The following TSPAN11 variants were observed in gnomAD, a reference collection of about 807,000 sequenced individuals.
The protein encoded by TSPAN11 is tetraspanin 11.
In TSPAN11, 29 loss-of-function variants were observed where a neutral mutation model predicts 32.9. The ratio of observed to expected loss-of-function variants is 0.88; its 90% CI spans 0.66 to 1.20. The LOEUF (loss-of-function observed/expected upper bound fraction) is 1.20. Among genes scored for constraint, TSPAN11 ranks in the 50% most tolerant of loss-of-function variants. TSPAN11 has a pLI of 0.00. For synonymous variants in TSPAN11, 140 were observed against 141.3 expected (o/e 0.99, Z 0.07); for missense variants, 283 against 329.1 (o/e 0.86, Z 1.08).
At chr12:30,966,886 AACAGCACACCTGG>A (rs1938745452) in intron 3 of TSPAN11, among the ~76,000 whole-genome samples, 1 of 152,222 alleles carries the variant, frequency 6.6e-6, no homozygotes, top group Non-Finnish European at 1.5e-5. Flanking sequence ...GTAAGGAAAG[AACAGCACACCTGG>A]GTCAGAGTAT....
chr12:30,945,464 A>G (rs1380900212), intron 1 of TSPAN11, among the ~76,000 whole-genome samples: 1 of 152,028 alleles, frequency 6.6e-6, no homozygotes, highest in African/African-American at 2.4e-5. Flanking sequence ...ATTTATAAAA[A>G]TCAGCTCCCA....
chr12:30,938,485 T>G (rs1035843768), intron 1 of TSPAN11, among the ~76,000 whole-genome samples: 1 of 152,110 alleles, frequency 6.6e-6, no homozygotes, highest in Non-Finnish European at 1.5e-5. Context: ...GGGTGCTGGT[T>G]TACTAGAAAT....
At chr12:30,974,765 G>A (rs919647530) in intron 3 of TSPAN11, among the ~76,000 whole-genome samples, 1 of 152,248 alleles carries the variant, frequency 6.6e-6, no homozygotes, top group Admixed American at 6.5e-5. Flanking sequence ...GGAGCAATGG[G>A]TAAAGTTGTG....
intron 1 of TSPAN11, among the ~76,000 whole-genome samples, chr12:30,940,827 C>T (rs1227956772): frequency 2.0e-5 from 3 of 152,290 alleles, no homozygotes; most frequent in African/African-American, 7.2e-5. Context: ...GGCAGGTGAA[C>T]GAGCATTACC....
intron 2 of TSPAN11, among the ~76,000 whole-genome samples, chr12:30,959,940 C>T (rs987836278): frequency 2.6e-5 from 4 of 151,000 alleles, no homozygotes; most frequent in South Asian, 2.1e-4. Flanking sequence ...ACTTCTCAGC[C>T]GGGGGTGCCT....
chr12:30,982,147 G>A (rs1939104504), intron 5 of TSPAN11, among the ~76,000 whole-genome samples: 1 of 152,162 alleles, frequency 6.6e-6, no homozygotes, highest in Admixed American at 6.5e-5. Context: ...ACCCCTGGGT[G>A]ACCAGGAAAC....
chr12:30,997,354 A>T (rs1939431946), downstream of TSPAN11: 1 of 152,358 alleles, frequency 6.6e-6, no homozygotes, highest in East Asian at 1.9e-4. Flanking sequence ...TCACACTGCT[A>T]AAAAGAACTA....
rs201464361 is a variant in TSPAN11, at chr12:30,963,892, G to A, written c.151G>A (p.Val51Ile). Residue 51 changes from valine to isoleucine, a missense_variant, in exon 3 of 8, where the codon GTC (valine) becomes ATC (isoleucine). Physicochemically the swap from Val to Ile is conservative, Grantham distance 29 (BLOSUM62 3). Coordinates refer to ENST00000546076, the MANE Select transcript of TSPAN11 (RefSeq NM_001370302.1). ...GGTGGAGAAGAGTGGCTACCTCAGC[G>A]TCCTGGCCTCCAGCACCTTTGCCGC... ...TLVEKSGYLS[V>I]LASSTFAASA... 97 of 1,613,376 alleles carry A rather than the reference G, an allele frequency of 6.0e-5. No individual in the cohort carries two copies. The highest frequency in any genetic ancestry group is 5.7e-4 in the South Asian group (52 of 91,084).
At chr12:30,926,878 GC>G in intron 1 of TSPAN11, 82 bp downstream of exon 1, 1 of 1,215,392 alleles carries the variant, frequency 8.2e-7, no homozygotes, top group Admixed American at 3.1e-5. Flanking sequence ...CACCTCCGCT[GC>G]CCGCCCCGCC....
chr12:30,963,768 G>T, intron 2 of TSPAN11, 58 bp from the exon 3 acceptor site: 1 of 1,563,096 alleles, frequency 6.4e-7, no homozygotes, highest in South Asian at 1.2e-5. Flanking sequence ...GGCACTGAAC[G>T]GATAGCAGCT....
At chr12:30,937,853 C>A (rs764021555) in intron 1 of TSPAN11, among the ~76,000 whole-genome samples, 4 of 152,208 alleles carry the variant, frequency 2.6e-5, no homozygotes, top group Admixed American at 6.5e-5. Flanking sequence ...AGAACCACCG[C>A]TCTGAGGTGC....
chr12:31,014,458 C>A, the TSPAN11 span, among the ~76,000 whole-genome samples: 1 of 152,212 alleles, frequency 6.6e-6, no homozygotes, highest in Non-Finnish European at 1.5e-5. Context: ...TTGGAAAGAC[C>A]ACATGGCATT....
chr12:31,003,448 G>A, the TSPAN11 span, among the ~76,000 whole-genome samples: 5 of 152,212 alleles, frequency 3.3e-5, no homozygotes, highest in Non-Finnish European at 1.5e-5. Flanking sequence ...TGAGCTGGGG[G>A]GTGGCTGGGG....
chr12:30,942,960 A>G (rs1592464692), intron 1 of TSPAN11, among the ~76,000 whole-genome samples: 1 of 152,156 alleles, frequency 6.6e-6, no homozygotes, highest in East Asian at 1.9e-4. Context: ...TTGCTCAGAA[A>G]CCCCAGCCCA....
In TSPAN11 at chr12:30,954,025, C is replaced by G. The variant is rs891762511; in HGVS notation, c.34C>G (p.Leu12Val). The change falls in exon 2 of 8, where the codon CTG becomes GTG. Residue 12 changes from leucine to valine, a missense_variant. By Grantham distance (32) the Leu-to-Val change is conservative (BLOSUM62 1). Transcript: ENST00000546076. ...CTATAAGACTGAGCAGGACGACTGG[C>G]TGATCATCTACTTGAAGTATTTACT... is the stretch of plus-strand genomic sequence containing the variant. The part of the protein sequence containing the change: ...AHYKTEQDDW[L>V]IIYLKYLLFV... 1.2e-6 allele frequency: 2 copies of G among 1,613,932 alleles called. No homozygotes were observed. Among genetic ancestry groups the G allele is most frequent in the Non-Finnish European group, 1.7e-6 (2 of 1,180,004 alleles).
chr12:30,982,767 C>A, intron 6 of TSPAN11, 77 bp downstream of exon 6: 1 of 1,489,998 alleles, frequency 6.7e-7, no homozygotes, highest in South Asian at 1.3e-5. Context: ...AAGGCTGGGT[C>A]AGGCAGGTGG....
chr12:31,016,213 T>C, the TSPAN11 span, among the ~76,000 whole-genome samples: 6 of 152,190 alleles, frequency 3.9e-5, no homozygotes, highest in Admixed American at 3.9e-4. Context: ...GTCAGATTCA[T>C]AGCAGCAGAA....
At chr12:31,006,757 G>T in the TSPAN11 span, among the ~76,000 whole-genome samples, 1 of 152,246 alleles carries the variant, frequency 6.6e-6, no homozygotes, top group Non-Finnish European at 1.5e-5. Flanking sequence ...TGTATAGTGA[G>T]CCCGCACTTC....
chr12:30,939,269 C>T (rs1938110144), intron 1 of TSPAN11, among the ~76,000 whole-genome samples: 1 of 148,532 alleles, frequency 6.7e-6, no homozygotes, highest in Admixed American at 6.7e-5. Flanking sequence ...GAAGGAGTGG[C>T]ACCTGCCTCA....
Sources: gnomAD v4.1 joint callset for allele counts (sites outside exome capture counted in the v4.1 genomes callset) on GRCh38, gnomAD v4.1.1 for gene constraint, MANE v1.5 for transcripts, NCBI Gene and HGNC (gene_info 2026-07-23, HGNC 2026-07-21) for gene names.